The following SLC16A7 variants were observed in gnomAD, a reference collection of about 807,000 sequenced individuals.
SLC16A7 encodes the protein monocarboxylate transporter 2.
Under a neutral mutation model 34.9 loss-of-function variants are expected in SLC16A7, and 33 were observed. That is an observed-to-expected ratio of 0.94 (90% confidence interval 0.72 to 1.26). The LOEUF is 1.26. Ranked by LOEUF, SLC16A7 falls within the 50% of genes most tolerant of loss-of-function variation. The pLI is 0.00. For missense variants in SLC16A7, 573 were observed against 578.1 expected, an observed-to-expected ratio of 0.99 and a Z score of 0.09; for synonymous variants, 201 against 206.6, an observed-to-expected ratio of 0.97 and a Z score of 0.23.
chr12:59,625,053 T>C (rs1879868020), intron 1 of SLC16A7, among the ~76,000 whole-genome samples: 1 of 151,796 alleles, frequency 6.6e-6, no homozygotes, highest in South Asian at 2.1e-4. Context: ...TGTACTTTCT[T>C]GCTATTTGTT....
At chr12:59,654,545 T>G (rs1017502880) in intron 1 of SLC16A7, among the ~76,000 whole-genome samples, 1 of 151,920 alleles carries the variant, frequency 6.6e-6, no homozygotes, top group Non-Finnish European at 1.5e-5. Context: ...GGTTATATTT[T>G]TGTAATATTT....
chr12:59,755,877 CA>C (rs1475542067), intron 3 of SLC16A7, among the ~76,000 whole-genome samples: 1 of 152,110 alleles, frequency 6.6e-6, no homozygotes, highest in Admixed American at 6.5e-5. Context: ...CTACAGTCAC[CA>C]AAACAGCATG....
chr12:59,728,856 T>C (rs1352111364), intron 3 of SLC16A7, among the ~76,000 whole-genome samples: 1 of 152,200 alleles, frequency 6.6e-6, no homozygotes, highest in African/African-American at 2.4e-5. Context: ...TGTAGCGTAC[T>C]TTTTTTCCTA....
rs1167859417 is a variant in SLC16A7, at chr12:59,704,962, C to T, written c.161C>T (p.Thr54Ile). 2.5e-6 allele frequency: 4 copies of T among 1,613,584 alleles called. No homozygotes were observed. The highest frequency in any genetic ancestry group is 2.5e-6 in the Non-Finnish European group (3 of 1,179,612). ...FKEIQQIFHT[T>I]YSEIAWISSI... Reference sequence around the variant, plus strand: ...GAAATTCAGCAAATATTCCACACTACCTACAGTGAAATAGCATGGATTTCA... The same window carrying T: ...GAAATTCAGCAAATATTCCACACTATCTACAGTGAAATAGCATGGATTTCA... Residue 54 changes from threonine (T) to isoleucine (I), a missense_variant, in exon 3 of 6, where the codon ACC (threonine) becomes ATC (isoleucine). Thr to Ile is a moderately conservative substitution (Grantham distance 89, BLOSUM62 -1). Coordinates refer to ENST00000547379, the MANE Select transcript of SLC16A7 (RefSeq NM_001270623.2).
chr12:59,754,866 C>A (rs1017194477), intron 3 of SLC16A7, among the ~76,000 whole-genome samples: 3 of 152,192 alleles, frequency 2.0e-5, no homozygotes, highest in African/African-American at 7.2e-5. Flanking sequence ...CAATAAAATA[C>A]TGGCAAAACG....
At chr12:59,712,698 C>T (rs534532198) in intron 3 of SLC16A7, among the ~76,000 whole-genome samples, 1 of 152,266 alleles carries the variant, frequency 6.6e-6, no homozygotes, top group South Asian at 2.1e-4. Context: ...AAACTAGTGT[C>T]AGTGTTTAGG....
At chr12:59,645,657 T>C (rs1207418625) in intron 1 of SLC16A7, among the ~76,000 whole-genome samples, 1 of 152,070 alleles carries the variant, frequency 6.6e-6, no homozygotes, top group Non-Finnish European at 1.5e-5. Flanking sequence ...TACAGTAAAT[T>C]AGAACCACAG....
chr12:59,774,999 A>C lies in SLC16A7; in HGVS notation c.704A>C (p.Lys235Thr). The C allele has an allele frequency of 1.2e-6, 2 of 1,613,764 alleles. No homozygotes were observed. Among genetic ancestry groups the C allele is most frequent in the Non-Finnish European group, 1.7e-6 (2 of 1,179,756 alleles). ...AAATCAACTTGGGAAAAAGTTAATA[A>C]GTATTTAGATTTCTCCCTTTTTAAG... ...TKKSTWEKVN[K>T]YLDFSLFKHR... The change falls in exon 5 of 6, where the codon AAG becomes ACG. Residue 235 changes from lysine to threonine, a missense_variant. Transcript: ENST00000547379.
At chr12:59,731,483 A>G (rs575108500) in intron 3 of SLC16A7, among the ~76,000 whole-genome samples, 1 of 152,324 alleles carries the variant, frequency 6.6e-6, no homozygotes, top group South Asian at 2.1e-4. Context: ...GAAGTGCTTG[A>G]TAGTAGGATA....
chr12:59,770,911 GA>G (rs778058858), intron 3 of SLC16A7, among the ~76,000 whole-genome samples: 3 of 151,940 alleles, frequency 2.0e-5, no homozygotes, highest in Non-Finnish European at 2.9e-5. Context: ...AGATGTTTTG[GA>G]TATTTTAGGT....
chr12:59,650,204 G>T (rs1868318850), intron 1 of SLC16A7, among the ~76,000 whole-genome samples: 1 of 152,012 alleles, frequency 6.6e-6, no homozygotes, highest in African/African-American at 2.4e-5. Flanking sequence ...AATTGGGTCT[G>T]TAGATTTACT....
At chr12:59,639,890 C>G (rs1880598585) in intron 1 of SLC16A7, among the ~76,000 whole-genome samples, 1 of 152,168 alleles carries the variant, frequency 6.6e-6, no homozygotes, top group Non-Finnish European at 1.5e-5. Flanking sequence ...ACTTCAGATG[C>G]CAATCACATG....
intron 3 of SLC16A7, among the ~76,000 whole-genome samples, chr12:59,720,442 T>G (rs1875440350): frequency 6.6e-6 from 1 of 152,092 alleles, no homozygotes; most frequent in South Asian, 2.1e-4. Context: ...AAAGCATATA[T>G]TTGATGTCAG....
At chr12:59,698,317 A>G (rs1872543400) in intron 2 of SLC16A7, among the ~76,000 whole-genome samples, 1 of 151,824 alleles carries the variant, frequency 6.6e-6, no homozygotes. Flanking sequence ...TTAGAACTGT[A>G]CTTCTATATA....
intron 3 of SLC16A7, among the ~76,000 whole-genome samples, chr12:59,752,710 A>G (rs1879732798): frequency 6.6e-6 from 1 of 152,194 alleles, no homozygotes; most frequent in African/African-American, 2.4e-5. Context: ...AACTTCCCCA[A>G]TCTAGCAAGG....
intron 2 of SLC16A7, among the ~76,000 whole-genome samples, chr12:59,673,767 A>G (rs1870084200): frequency 1.3e-5 from 2 of 152,104 alleles, no homozygotes; most frequent in Admixed American, 6.6e-5. Flanking sequence ...TTAAGTCTCT[A>G]TTGGTCTTTG....
Position 59,774,858 on chromosome 12 carries a change from C to G in SLC16A7, c.563C>G (p.Ala188Gly), listed in dbSNP as rs1882583863. 2 of 1,613,704 alleles carry G rather than the reference C, an allele frequency of 1.2e-6. No individual in the cohort carries two copies. Among genetic ancestry groups the G allele is most frequent in the Non-Finnish European group, 8.5e-7 (1 of 1,179,898 alleles). ...FLILGSLLLNACVAGSLMRPL... is the reference protein window; with the variant it reads ...FLILGSLLLNGCVAGSLMRPL... ...ATTTTGGGAAGTCTACTTTTGAATGCCTGTGTGGCTGGTTCCCTCATGAGA... is the reference window on the plus strand; with the variant it reads ...ATTTTGGGAAGTCTACTTTTGAATGGCTGTGTGGCTGGTTCCCTCATGAGA... The change falls in exon 5 of 6, where the codon GCC (alanine) becomes GGC (glycine). Residue 188 changes from alanine (A) to glycine (G), a missense_variant. Physicochemically the swap from Ala to Gly is moderately conservative, Grantham distance 60 (BLOSUM62 0). Transcript: ENST00000547379.
intron 3 of SLC16A7, among the ~76,000 whole-genome samples, chr12:59,727,016 A>G (rs1565676153): frequency 6.6e-6 from 1 of 151,958 alleles, no homozygotes; most frequent in Non-Finnish European, 1.5e-5. Context: ...AAGAAGGATG[A>G]CAATCAAAAG....
chr12:59,622,862 C>A (rs1207093259), intron 1 of SLC16A7, among the ~76,000 whole-genome samples: 1 of 151,608 alleles, frequency 6.6e-6, no homozygotes, highest in South Asian at 2.1e-4. Context: ...TGCATCATGT[C>A]GCTATGGACT....
Sources: gnomAD v4.1 joint callset for allele counts (sites outside exome capture counted in the v4.1 genomes callset) on GRCh38, gnomAD v4.1.1 for gene constraint, MANE v1.5 for transcripts, NCBI Gene and HGNC (gene_info 2026-07-23, HGNC 2026-07-21) for gene names.